Variants in CCNJL observed in about 807,000 individuals in gnomAD.
CCNJL encodes cyclin-J-like protein.
Under a neutral mutation model 33.4 loss-of-function variants are expected in CCNJL, and 33 were observed. The ratio of observed to expected loss-of-function variants is 0.99; its 90% CI spans 0.75 to 1.32. CCNJL has a LOEUF of 1.32. Ranked by LOEUF, CCNJL falls within the 40% of genes most tolerant of loss-of-function variation. The pLI, the probability that CCNJL is intolerant of heterozygous loss-of-function variation, is 0.00. For synonymous variants in CCNJL, 227 were observed against 220.9 expected (o/e 1.03, Z -0.24); for missense variants, 512 against 499.7 (o/e 1.02, Z -0.23).
chr5:160,284,883 T>A (rs993979622), intron 2 of CCNJL, among the ~76,000 whole-genome samples: 4 of 152,224 alleles, frequency 2.6e-5, no homozygotes, highest in African/African-American at 4.8e-5. Flanking sequence ...CTTTTTTTTT[T>A]AATTGCTTGG....
chr5:160,286,315 C>T (rs1001887746), intron 2 of CCNJL, among the ~76,000 whole-genome samples: 1 of 152,174 alleles, frequency 6.6e-6, no homozygotes, highest in Non-Finnish European at 1.5e-5. Context: ...TTGCCTTGAG[C>T]AGATTCTCAA....
At chr5:160,311,447 T>C (rs1763257435) in intron 2 of CCNJL, among the ~76,000 whole-genome samples, 2 of 152,192 alleles carry the variant, frequency 1.3e-5, no homozygotes, top group South Asian at 4.1e-4. Flanking sequence ...ATTATTACAA[T>C]AAATGGAAAA....
chr5:160,255,378 C>T lies in CCNJL; in HGVS notation c.743+171G>A, dbSNP rs557021297. 1.6e-4 allele frequency: 87 copies of T among 561,264 alleles called. 1 individual carries two copies. The East Asian group carries it at 2.3e-3, about 15-fold the overall frequency. 34.8% of individuals were successfully genotyped at this position (561,264 alleles called of 1,614,324 possible). On this transcript the variant is annotated intron_variant, in intron 5 of 5. Transcript: ENST00000257536. ...ATTCAAAATAGGAAGAACTGGTTCTCGAAACCCCACTTCTACCAGGAGTCA... is the reference window on the plus strand; with the variant it reads ...ATTCAAAATAGGAAGAACTGGTTCTTGAAACCCCACTTCTACCAGGAGTCA...
rs1229681601 is a variant in CCNJL at position 160,311,907 on chromosome 5, C to T, written c.17G>A (p.Trp6Ter). The T allele has an allele frequency of 4.3e-6, 7 of 1,614,170 alleles. No individual in the cohort carries two copies. Among genetic ancestry groups the T allele is most frequent in the Non-Finnish European group, 5.9e-6 (7 of 1,180,018 alleles). Residue 6 changes from tryptophan (W) to a stop codon, truncating the protein, a stop_gained, in exon 2 of 6, where the codon TGG becomes TAG. Transcript: ENST00000257536. LOFTEE classifies it high-confidence loss of function. ...GTCCGAGGCGACGCGCCCTTCCCACCACGGCTCATCCATCATCGCGTACGC... is the reference window on the plus strand; with the variant it reads ...GTCCGAGGCGACGCGCCCTTCCCACTACGGCTCATCCATCATCGCGTACGC... The part of the protein sequence containing the change: MMDEP[W>*]WEGRVASDVH...
Position 160,253,673 on chromosome 5 carries a change from T to A in CCNJL, c.869A>T (p.Gln290Leu). ...GAACTGTGCCAGGGTGGTCGCTGGC[T>A]GGCCGAGGGCCGGGTAGGCTGGTGG... ...FQPPAYPALG[Q>L]PATTLAQFQT... Residue 290 changes from glutamine to leucine, a missense_variant, in exon 6 of 6, where the codon CAG (glutamine) becomes CTG (leucine). Coordinates refer to ENST00000257536, the MANE Select transcript of CCNJL (RefSeq NM_001308173.3). The A allele has an allele frequency of 6.2e-7, 1 of 1,608,594 alleles. No homozygotes were observed. Among genetic ancestry groups the A allele is most frequent in the African/African-American group, 1.3e-5 (1 of 74,910 alleles).
At chr5:160,316,111 GTAAA>G (rs541941138), upstream of CCNJL, among the ~76,000 whole-genome samples, 468 of 152,258 alleles carry the variant, frequency 3.1e-3, 23 homozygotes, top group Admixed American at 0.03. Flanking sequence ...TTTCTGAAGA[GTAAA>G]TATACATTGC....
At position 160,273,642 on chromosome 5, in the gene CCNJL, C is replaced by CTTTTTTT. The variant is rs56869675; in HGVS notation, c.280+6876_280+6882dup. ...GCAAAGCACCACGAAAGTGCCGCCA[C>CTTTTTTT]TTTTTTTTTTTTTTTTTTTTTTGAG... On this transcript the variant is annotated intron_variant, in intron 3 of 5. Coordinates refer to ENST00000257536, the MANE Select transcript of CCNJL (RefSeq NM_001308173.3). 3.1e-5 allele frequency among the ~76,000 whole-genome samples: 3 copies of CTTTTTTT among 97,734 alleles called. 1 individual carries two copies. The highest frequency in any genetic ancestry group is 4.2e-5 in the African/African-American group (1 of 23,920). 64.1% of individuals were successfully genotyped at this position (97,734 alleles called of 152,430 possible).
chr5:160,275,568 T>C (rs1007763543), intron 3 of CCNJL, among the ~76,000 whole-genome samples: 2 of 152,020 alleles, frequency 1.3e-5, no homozygotes, highest in African/African-American at 4.8e-5. Context: ...CACTTCAACC[T>C]CCACCTCCTG....
At chr5:160,255,850 T>C (rs1486129480) in intron 4 of CCNJL, 142 bp from the exon 5 acceptor site, 2 of 711,374 alleles carry the variant, frequency 2.8e-6, no homozygotes, top group Middle Eastern at 4.0e-4. Flanking sequence ...TTAGAAACTG[T>C]GAAGTTCCAT....
At chr5:160,306,707 G>C (rs1459489020) in intron 2 of CCNJL, among the ~76,000 whole-genome samples, 1 of 152,212 alleles carries the variant, frequency 6.6e-6, no homozygotes, top group Non-Finnish European at 1.5e-5. Context: ...AAGACTATGT[G>C]TAAAATGGGC....
rs75573086 is a variant in CCNJL, at chr5:160,281,183, A to C, written c.67-445T>G. 4.2e-3 allele frequency among the ~76,000 whole-genome samples: 633 copies of C among 152,300 alleles called. 3 individuals are homozygous for C. Among genetic ancestry groups the C allele is most frequent in the African/African-American group, 0.014 (597 of 41,566 alleles). On this transcript the variant is annotated intron_variant, in intron 2 of 5. Coordinates refer to ENST00000257536, the MANE Select transcript of CCNJL (RefSeq NM_001308173.3). ...ACCTTTGTTTCCTCCTCGAGAGCTG[A>C]GAACTAAATTTAAAATGTATGCAAA...
chr5:160,270,368 T>C (rs1209233656), intron 3 of CCNJL, among the ~76,000 whole-genome samples: 1 of 151,528 alleles, frequency 6.6e-6, no homozygotes, highest in Non-Finnish European at 1.5e-5. Flanking sequence ...CATTTGAACC[T>C]GGGAGGCGGA....
intron 1 of CCNJL, among the ~76,000 whole-genome samples, chr5:160,318,819 G>T (rs767604895): frequency 1.3e-5 from 2 of 152,186 alleles, no homozygotes; most frequent in Non-Finnish European, 2.9e-5. Flanking sequence ...TGTAATTTCA[G>T]TGATTTTGCA....
At chr5:160,336,986 C>T (rs1250462536) in intron 1 of CCNJL, among the ~76,000 whole-genome samples, 1 of 148,512 alleles carries the variant, frequency 6.7e-6, no homozygotes, top group Non-Finnish European at 1.5e-5. Context: ...CCCTTCCTTC[C>T]TTCTTTCTTT....
intron 2 of CCNJL, among the ~76,000 whole-genome samples, chr5:160,302,662 A>C (rs550112226): frequency 2.1e-4 from 32 of 152,200 alleles, no homozygotes; most frequent in African/African-American, 7.5e-4. Flanking sequence ...AAATACAAAA[A>C]TTAGCTGGGC....
intron 2 of CCNJL, among the ~76,000 whole-genome samples, chr5:160,307,639 C>T (rs1272595242): frequency 1.3e-5 from 2 of 152,136 alleles, no homozygotes; most frequent in African/African-American, 4.8e-5. Context: ...TGGTGACAAT[C>T]TACTCCTCCT....
At chr5:160,332,644 T>G (rs1763624533) in intron 1 of CCNJL, among the ~76,000 whole-genome samples, 1 of 152,158 alleles carries the variant, frequency 6.6e-6, no homozygotes, top group Non-Finnish European at 1.5e-5. Context: ...CCTCCACACT[T>G]GCCGTTCTTC....
At chr5:160,331,970 C>A (rs1366258943) in intron 1 of CCNJL, among the ~76,000 whole-genome samples, 1 of 152,148 alleles carries the variant, frequency 6.6e-6, no homozygotes. Flanking sequence ...GTGGGCCCAG[C>A]ACTCTACTTT....
Position 160,253,393 on chromosome 5 carries a change from G to C in CCNJL, c.1149C>G (p.Gly383=), listed in dbSNP as rs780291160. 4 of 1,583,638 alleles carry C rather than the reference G, an allele frequency of 2.5e-6. No homozygotes were observed. In the Admixed American group the frequency reaches 6.8e-5, roughly 27 times the overall value. ...TGGAGGTGGCCTATCTGTCAAAGCA[G>C]CCGGTGGGGAACATGTGGCTCCCAC... ...YFSGSHMFPT[G]CFDR Residue 383 remains glycine, a synonymous_variant, in exon 6 of 6, where the codon GGC becomes GGG. Coordinates refer to ENST00000257536, the MANE Select transcript of CCNJL (RefSeq NM_001308173.3).
Sources: allele counts gnomAD v4.1 joint callset (sites outside exome capture counted in the v4.1 genomes callset), GRCh38; gene constraint gnomAD v4.1.1; transcripts MANE v1.5; gene names NCBI Gene and HGNC (gene_info 2026-07-23, HGNC 2026-07-21).